The following WWOX variants were observed in gnomAD, a reference collection of about 807,000 sequenced individuals.
The protein encoded by WWOX is WW domain-containing oxidoreductase.
WWOX carries 69 observed loss-of-function variants against 46.2 expected under a neutral mutation model. That is an observed-to-expected ratio of 1.49 (90% CI 1.23 to 1.82). The LOEUF is 1.82. WWOX is among the 40% of genes most tolerant of loss of function. WWOX has a pLI of 0.00. For missense variants in WWOX, 919 were observed against 542.6 expected (o/e 1.69, Z -6.89); for synonymous variants, 359 against 202.6 (o/e 1.77, Z -6.56).
At chr16:78,824,220 C>G (rs1046063228) in intron 8 of WWOX, among the ~76,000 whole-genome samples, 1 of 152,120 alleles carries the variant, frequency 6.6e-6, no homozygotes, top group African/African-American at 2.4e-5. Flanking sequence ...ACAGTCCACT[C>G]CTACATGTAG....
intron 4 of WWOX, chr16:78,123,680 A>ACTC (rs1187693318): frequency 1.4e-5 from 2 of 146,312 alleles, no homozygotes; most frequent in Non-Finnish European, 3.0e-5. Context: ...CTGGTCTTGA[A>ACTC]CTCCTGACCT....
chr16:78,166,798 C>G (rs2034990460), intron 5 of WWOX: 3 of 152,136 alleles, frequency 2.0e-5, no homozygotes, highest in Non-Finnish European at 2.9e-5. Context: ...ATCTCATGAT[C>G]TACACACCTA....
intron 8 of WWOX, among the ~76,000 whole-genome samples, chr16:78,589,228 G>A (rs540311586): frequency 2.6e-5 from 4 of 152,220 alleles, no homozygotes; most frequent in East Asian, 1.9e-4. Flanking sequence ...TGCTCAGGAG[G>A]GAACAGAGGG....
In WWOX at chr16:78,871,084, G is replaced by A. The variant is rs542252415; in HGVS notation, c.1057-340524G>A. On this transcript the variant is annotated intron_variant, in intron 8 of 8. Coordinates refer to ENST00000566780, the MANE Select transcript of WWOX (RefSeq NM_016373.4). ...AAATTATCCCCTATAGCTCATAGAA[G>A]CAATTCAGTAAATACTTGTTGAATA... Among the ~76,000 whole-genome samples the A allele has an allele frequency of 5.2e-4, 79 of 151,868 alleles. No homozygotes were observed. The South Asian group carries it at 7.7e-3, about 15-fold the overall frequency.
chr16:78,290,081 C>T (rs2079835302), intron 5 of WWOX, among the ~76,000 whole-genome samples: 1 of 152,166 alleles, frequency 6.6e-6, no homozygotes, highest in East Asian at 1.9e-4. Flanking sequence ...ATTTATATAT[C>T]CCTCTGCATA....
chr16:78,665,811 A>G (rs1017368663), intron 8 of WWOX, among the ~76,000 whole-genome samples: 1 of 152,076 alleles, frequency 6.6e-6, no homozygotes, highest in Admixed American at 6.5e-5. Context: ...CAGACTCTCA[A>G]GTAGCTGGGA....
In WWOX at chr16:79,042,049, A is replaced by G. The variant is rs145232047; in HGVS notation, c.1057-169559A>G. On this transcript the variant is annotated intron_variant, in intron 8 of 8. Transcript: ENST00000566780. The stretch of plus-strand genomic sequence containing the variant: ...ACTCTTTATGTTCCACAAATTTTGG[A>G]GGGAAACTGATTAACTCTCTAGCTA... Among the ~76,000 whole-genome samples the G allele has an allele frequency of 6.8e-3, 1,029 of 152,250 alleles. 7 individuals carry two copies. Among genetic ancestry groups the G allele is most frequent in the Admixed American group, 9.7e-3 (149 of 15,296 alleles).
At chr16:78,900,445 G>A (rs545433492) in intron 8 of WWOX, among the ~76,000 whole-genome samples, 2 of 152,142 alleles carry the variant, frequency 1.3e-5, no homozygotes, top group Non-Finnish European at 2.9e-5. Context: ...GAGACTTTCT[G>A]TTAGGAAAGT....
chr16:78,948,039 G>T (rs1027130067), intron 8 of WWOX, among the ~76,000 whole-genome samples: 2 of 152,216 alleles, frequency 1.3e-5, no homozygotes, highest in Non-Finnish European at 2.9e-5. Context: ...CTGAAGGGCT[G>T]GTGGAGAGGA....
intron 5 of WWOX, among the ~76,000 whole-genome samples, chr16:78,292,063 C>CTTTTTTTTT (rs5818123): frequency 7.3e-6 from 1 of 136,956 alleles, no homozygotes; most frequent in Non-Finnish European, 1.6e-5. Flanking sequence ...TGATTTTTAC[C>CTTTTTTTTT]TTTTTTTTTT....
At chr16:78,745,400 C>T (rs1318989793) in intron 8 of WWOX, among the ~76,000 whole-genome samples, 2 of 152,072 alleles carry the variant, frequency 1.3e-5, no homozygotes, top group African/African-American at 4.8e-5. Context: ...TTCTTCTTGC[C>T]GGCCTCTCCC....
chr16:78,432,644 C>A lies in WWOX; in HGVS notation c.948C>A (p.Val316=). 1 of 1,614,222 alleles carries A rather than the reference C, an allele frequency of 6.2e-7. No homozygotes were observed. Among genetic ancestry groups the A allele is most frequent in the Non-Finnish European group, 8.5e-7 (1 of 1,180,050 alleles). The part of the protein sequence containing the change: ...ELHRRLSPRG[V]TSNAVHPGNM... ...ACCGTCGCCTCTCCCCACGCGGGGTCACGTCGAACGCAGTGCATCCTGGAA... is the reference window on the plus strand; with the variant it reads ...ACCGTCGCCTCTCCCCACGCGGGGTAACGTCGAACGCAGTGCATCCTGGAA... Residue 316 remains valine (V), a synonymous_variant, in exon 8 of 9, where the codon GTC becomes GTA. Transcript: ENST00000566780.
chr16:78,249,430 G>T (rs117952639), intron 5 of WWOX, among the ~76,000 whole-genome samples: 1 of 152,172 alleles, frequency 6.6e-6, no homozygotes, highest in Non-Finnish European at 1.5e-5. Flanking sequence ...AGTGCACGCC[G>T]CATTAGCCTC....
At chr16:78,188,749 A>G (rs1008635589) in intron 5 of WWOX, among the ~76,000 whole-genome samples, 12 of 152,144 alleles carry the variant, frequency 7.9e-5, no homozygotes, top group African/African-American at 2.9e-4. Context: ...CATGGGTGTT[A>G]AGATCCTTCA....
chr16:78,319,420 C>T (rs938700072), intron 5 of WWOX, among the ~76,000 whole-genome samples: 13 of 152,192 alleles, frequency 8.5e-5, no homozygotes, highest in Admixed American at 3.9e-4. Context: ...CCATCACGCC[C>T]GGCTAACTTT....
chr16:78,776,039 T>G (rs1437051354), intron 8 of WWOX, among the ~76,000 whole-genome samples: 1 of 152,236 alleles, frequency 6.6e-6, no homozygotes, highest in Non-Finnish European at 1.5e-5. Context: ...AAAGATGGTC[T>G]TAAACCTATA....
At chr16:79,130,810 G>C (rs1023478068) in intron 8 of WWOX, among the ~76,000 whole-genome samples, 1 of 152,174 alleles carries the variant, frequency 6.6e-6, no homozygotes, top group East Asian at 1.9e-4. Context: ...ATGCTCCCCA[G>C]CAGTTCTTTG....
At chr16:78,643,549 A>G (rs891727806) in intron 8 of WWOX, among the ~76,000 whole-genome samples, 3 of 152,168 alleles carry the variant, frequency 2.0e-5, no homozygotes, top group African/African-American at 7.2e-5. Flanking sequence ...ACATCTCATT[A>G]GCACTCCCCA....
At chr16:78,562,486 G>T (rs955401413) in intron 8 of WWOX, among the ~76,000 whole-genome samples, 1 of 152,174 alleles carries the variant, frequency 6.6e-6, no homozygotes, top group African/African-American at 2.4e-5. Flanking sequence ...TAACCTCCCA[G>T]GTTCATGGAG....
Sources: gnomAD v4.1 joint callset for allele counts (sites outside exome capture counted in the v4.1 genomes callset) on GRCh38, gnomAD v4.1.1 for gene constraint, MANE v1.5 for transcripts, NCBI Gene and HGNC (gene_info 2026-07-23, HGNC 2026-07-21) for gene names.